The following GALNTL5 variants were observed in gnomAD, a reference collection of about 807,000 sequenced individuals.
GALNTL5 encodes the protein polypeptide N-acetylgalactosaminyltransferase like 5.
A neutral mutation model predicts 51.0 loss-of-function variants in GALNTL5; 44 were observed. The ratio of observed to expected loss-of-function variants is 0.86; its 90% confidence interval spans 0.68 to 1.11. The LOEUF is 1.11. Ranked by LOEUF, GALNTL5 falls within the 50% of genes least tolerant of loss-of-function variation. The pLI, the probability that GALNTL5 is intolerant of heterozygous loss-of-function variation, is 0.00. For missense variants in GALNTL5, 528 were observed against 531.8 expected, an observed-to-expected ratio of 0.99 and a Z score of 0.07; for synonymous variants, 192 against 182.8, an observed-to-expected ratio of 1.05 and a Z score of -0.41.
intron 5 of GALNTL5, among the ~76,000 whole-genome samples, chr7:152,000,682 C>T (rs1440207597): frequency 6.6e-6 from 1 of 152,146 alleles, no homozygotes; most frequent in African/African-American, 2.4e-5. Context: ...TGGTGTTGAA[C>T]ATCTTTTCAC....
At chr7:151,980,382 T>A (rs1182707653) in intron 3 of GALNTL5, among the ~76,000 whole-genome samples, 1 of 152,186 alleles carries the variant, frequency 6.6e-6, no homozygotes, top group East Asian at 1.9e-4. Context: ...TTTAAGCCTT[T>A]TAATTATTTT....
intron 8 of GALNTL5, among the ~76,000 whole-genome samples, chr7:152,019,121 T>C (rs1306367798): frequency 1.3e-5 from 2 of 152,184 alleles, no homozygotes; most frequent in Admixed American, 6.5e-5. Flanking sequence ...CCCAGGGGCT[T>C]TGCATGTCCC....
intron 5 of GALNTL5, among the ~76,000 whole-genome samples, chr7:151,999,664 G>A (rs2081546436): frequency 6.6e-6 from 1 of 152,136 alleles, no homozygotes; most frequent in African/African-American, 2.4e-5. Flanking sequence ...AGGAGAACCA[G>A]ATGTTATTTT....
Position 151,967,327 on chromosome 7 carries a change from G to T in GALNTL5, c.81G>T (p.Leu27Phe). The T allele has an allele frequency of 6.2e-7, 1 of 1,614,102 alleles. No homozygotes were observed. Among genetic ancestry groups the T allele is most frequent in the South Asian group, 1.1e-5 (1 of 91,084 alleles). ...GGACAGCTCTGTTATTCATATATTT[G>T]CACCATAATCATGTGAGCAGCTGGC... ...GIWTALLFIY[L>F]HHNHVSSWQK... is the part of the protein sequence containing the mutation. The change falls in exon 2 of 9, where the codon TTG becomes TTT. Residue 27 changes from leucine to phenylalanine, a missense_variant. Physicochemically the swap from Leu to Phe is conservative, Grantham distance 22. Transcript: ENST00000392800.
chr7:151,957,244 G>T lies in GALNTL5; in HGVS notation c.-40+635G>T, dbSNP rs181381764. On this transcript the variant is annotated intron_variant, in intron 1 of 8. Coordinates refer to ENST00000392800, the MANE Select transcript of GALNTL5 (RefSeq NM_145292.4). ...CATGTTTTCCTGATTCAATAGACTC[G>T]TATTTTTTTAAAAACTTGGCCAGGC... 4.0e-5 allele frequency among the ~76,000 whole-genome samples: 6 copies of T among 151,740 alleles called. No individual in the cohort carries two copies. The East Asian group carries it at 9.7e-4, about 24-fold the overall frequency.
intron 4 of GALNTL5, among the ~76,000 whole-genome samples, chr7:151,985,019 T>G (rs572272592): frequency 1.3e-5 from 2 of 152,138 alleles, no homozygotes; most frequent in East Asian, 3.9e-4. Context: ...GTCCTGGAGG[T>G]TGGAAGTCCG....
chr7:152,007,413 CTTTT>C (rs34271081), intron 6 of GALNTL5, among the ~76,000 whole-genome samples: 30 of 109,928 alleles, frequency 2.7e-4, no homozygotes, highest in Non-Finnish European at 3.9e-4. Flanking sequence ...AATGTTTTCT[CTTTT>C]TTTTTTTTTT....
In GALNTL5 at chr7:152,014,725, T is replaced by C; in HGVS notation, c.1108T>C (p.Ser370Pro). The change falls in exon 8 of 9, where the codon TCT becomes CCT. Residue 370 changes from serine to proline, a missense_variant. Ser to Pro is a moderately conservative substitution (Grantham distance 74). Transcript: ENST00000392800. Reference sequence around the variant, plus strand: ...CAGTAAGAAACAAACTGGAAAACCTTCTACAATCATCAGTGCTATGACACA... The same window carrying C: ...CAGTAAGAAACAAACTGGAAAACCTCCTACAATCATCAGTGCTATGACACA... ...HISKKQTGKP[S>P]TIISAMTHNY... 1.9e-6 allele frequency: 3 copies of C among 1,614,042 alleles called. No homozygotes were observed. Among genetic ancestry groups the C allele is most frequent in the Non-Finnish European group, 2.5e-6 (3 of 1,179,952 alleles).
chr7:152,018,751 C>G (rs1218407684), intron 8 of GALNTL5, among the ~76,000 whole-genome samples: 2 of 152,158 alleles, frequency 1.3e-5, no homozygotes, highest in Non-Finnish European at 2.9e-5. Flanking sequence ...ACCAATCCAC[C>G]CTGGGGACCT....
intron 1 of GALNTL5, chr7:151,960,433 A>G (rs1161043750): frequency 2.6e-5 from 4 of 152,252 alleles, no homozygotes; most frequent in African/African-American, 9.6e-5. Flanking sequence ...TCCCCTTTAC[A>G]GCCCATTTTC....
chr7:151,979,095 T>C (rs1390678740), intron 3 of GALNTL5, among the ~76,000 whole-genome samples: 2 of 146,104 alleles, frequency 1.4e-5, no homozygotes, highest in Non-Finnish European at 3.0e-5. Flanking sequence ...GCCATCCAAA[T>C]TACTTTTACT....
chr7:151,981,998 C>A (rs910020437), intron 3 of GALNTL5, among the ~76,000 whole-genome samples: 1 of 151,734 alleles, frequency 6.6e-6, no homozygotes, highest in African/African-American at 2.4e-5. Context: ...CTTTAATTTA[C>A]AACCAAAATA....
rs1354556132 is a variant in GALNTL5, at chr7:151,967,352, C to T, written c.106C>T (p.Gln36Ter). 2 of 1,614,062 alleles carry T rather than the reference C, an allele frequency of 1.2e-6. No individual in the cohort carries two copies. The highest frequency in any genetic ancestry group is 2.2e-5 in the South Asian group (2 of 91,082). Residue 36 changes from glutamine (Q) to a stop codon, truncating the protein, a stop_gained, in exon 2 of 9, where the codon CAG (glutamine) becomes TAG (stop). Transcript: ENST00000392800. LOFTEE classifies it high-confidence loss of function. ...YLHHNHVSSW[Q>*]KKSQEPLSAW... Reference sequence around the variant, plus strand: ...GCACCATAATCATGTGAGCAGCTGGCAGAAGAAAAGCCAGGAGCCTCTGTC... The same window carrying T: ...GCACCATAATCATGTGAGCAGCTGGTAGAAGAAAAGCCAGGAGCCTCTGTC...
chr7:152,011,952 C>T (rs1349007668), intron 7 of GALNTL5, among the ~76,000 whole-genome samples: 1 of 152,188 alleles, frequency 6.6e-6, no homozygotes, highest in Non-Finnish European at 1.5e-5. Context: ...TTTCATCTGT[C>T]CATGGTTGGC....
rs973402780 is a variant in GALNTL5 at position 152,009,796 on chromosome 7, G to A, written c.1026+1852G>A. On this transcript the variant is annotated intron_variant, in intron 7 of 8. Coordinates refer to ENST00000392800, the MANE Select transcript of GALNTL5 (RefSeq NM_145292.4). ...GCAGGGCAAGTCTACTCTGATCGCCGAGGGTCTGTGCCACACCCTTGTTGA... is the reference window on the plus strand; with the variant it reads ...GCAGGGCAAGTCTACTCTGATCGCCAAGGGTCTGTGCCACACCCTTGTTGA... 9.2e-5 allele frequency among the ~76,000 whole-genome samples: 14 copies of A among 152,176 alleles called. No individual in the cohort carries two copies. The East Asian group carries it at 2.3e-3, about 25-fold the overall frequency.
At chr7:152,016,144 G>A (rs1362495528) in intron 8 of GALNTL5, among the ~76,000 whole-genome samples, 2 of 152,116 alleles carry the variant, frequency 1.3e-5, no homozygotes, top group Admixed American at 1.3e-4. Context: ...AGTGGCTCAT[G>A]TCTCTAATCT....
At chr7:151,962,604 G>GTTTTT (rs113266850) in intron 1 of GALNTL5, among the ~76,000 whole-genome samples, 1 of 150,400 alleles carries the variant, frequency 6.6e-6, no homozygotes, top group East Asian at 2.0e-4. Flanking sequence ...CCATGTCTGG[G>GTTTTT]TTTTGTTTGT....
chr7:152,006,921 C>G (rs1367620870), intron 6 of GALNTL5, among the ~76,000 whole-genome samples: 1 of 151,956 alleles, frequency 6.6e-6, no homozygotes, highest in Non-Finnish European at 1.5e-5. Flanking sequence ...GCGCGGGCAA[C>G]TGCATCTGGC....
intron 3 of GALNTL5, among the ~76,000 whole-genome samples, chr7:151,973,639 A>G (rs950880749): frequency 4.6e-5 from 7 of 152,162 alleles, no homozygotes; most frequent in Admixed American, 1.3e-4. Flanking sequence ...TTTTTATTTT[A>G]TAGGTTCATA....
Sources: allele counts gnomAD v4.1 joint callset (sites outside exome capture counted in the v4.1 genomes callset), GRCh38; gene constraint gnomAD v4.1.1; transcripts MANE v1.5; gene names NCBI Gene and HGNC (gene_info 2026-07-23, HGNC 2026-07-21).